Variants in UNC80 observed in about 807,000 individuals in gnomAD.
The protein encoded by UNC80 is protein unc-80 homolog.
In UNC80, 164 loss-of-function variants were observed where a neutral mutation model predicts 384.6. That is an observed-to-expected ratio of 0.43 (90% confidence interval 0.38 to 0.49). UNC80 has a LOEUF of 0.49. UNC80 is among the 20% of genes least tolerant of loss of function. UNC80 has a pLI of 0.00. For missense variants in UNC80, 3,330 were observed against 4,143.0 expected (o/e 0.80, Z 5.39); for synonymous variants, 1,486 against 1,527.8 (o/e 0.97, Z 0.64).
Position 209,945,070 on chromosome 2 carries a change from C to T in UNC80, c.7070C>T (p.Pro2357Leu). 6.4e-7 allele frequency: 1 copy of T among 1,550,400 alleles called. No homozygotes were observed. Among genetic ancestry groups the T allele is most frequent in the East Asian group, 2.4e-5 (1 of 40,848 alleles). The stretch of plus-strand genomic sequence containing the variant: ...TATCAGGATGCTGCCAATAATGGGC[C>T]CAGCAAAGGTGTGTCAGCTCAGTGC... ...LEFPDAANNGPSKGVSAQCLF... is the reference protein window; with the variant it reads ...LEFPDAANNGLSKGVSAQCLF... The change falls in exon 46 of 65, where the codon CCC becomes CTC. Residue 2357 changes from proline (P) to leucine (L), a missense_variant. Pro to Leu is a moderately conservative substitution (Grantham distance 98). Coordinates refer to ENST00000673920, the MANE Select transcript of UNC80 (RefSeq NM_001371986.1).
At chr2:209,954,024 C>A in intron 47 of UNC80, 76 bp from the exon 48 acceptor site, 1 of 1,442,442 alleles carries the variant, frequency 6.9e-7, no homozygotes, top group Non-Finnish European at 9.2e-7. Context: ...TTTCATTGTT[C>A]TATGCTCTTA....
intron 61 of UNC80, among the ~76,000 whole-genome samples, chr2:209,990,244 A>G (rs938404205): frequency 6.6e-6 from 1 of 152,202 alleles, no homozygotes; most frequent in Non-Finnish European, 1.5e-5. Context: ...ATTCCTGAAT[A>G]AAAATGAGAC....
chr2:209,960,577 G>A (rs562361375), intron 51 of UNC80, among the ~76,000 whole-genome samples: 9 of 152,244 alleles, frequency 5.9e-5, no homozygotes, highest in African/African-American at 1.9e-4. Flanking sequence ...TCCAAATAAC[G>A]TTGCAATTTC....
chr2:209,817,228 C>T, intron 10 of UNC80, 103 bp downstream of exon 10: 1 of 1,163,228 alleles, frequency 8.6e-7, no homozygotes, highest in Non-Finnish European at 1.2e-6. Flanking sequence ...ACAATTCAGC[C>T]AAGAAATTTG....
chr2:209,809,072 G>T, intron 7 of UNC80: 1 of 477,282 alleles, frequency 2.1e-6, no homozygotes, highest in Non-Finnish European at 3.9e-6. Context: ...GATGAGGACA[G>T]CGGGAAAGGC....
At chr2:209,950,744 G>A (rs186971823) in intron 47 of UNC80, among the ~76,000 whole-genome samples, 201 of 152,146 alleles carry the variant, frequency 1.3e-3, no homozygotes, top group African/African-American at 4.6e-3. Flanking sequence ...TTTTAGTAGA[G>A]ACAGAGTTTC....
intron 16 of UNC80, among the ~76,000 whole-genome samples, chr2:209,832,651 G>A (rs1051785440): frequency 3.9e-5 from 6 of 152,164 alleles, no homozygotes; most frequent in Non-Finnish European, 8.8e-5. Context: ...AATTTTCTTG[G>A]AGCTTGAGTG....
At chr2:209,787,102 T>G (rs971499340) in intron 5 of UNC80, among the ~76,000 whole-genome samples, 1 of 151,702 alleles carries the variant, frequency 6.6e-6, no homozygotes, top group African/African-American at 2.4e-5. Flanking sequence ...TGGACAATCT[T>G]TTTTATTAAC....
At chr2:209,994,659 GA>G (rs1209787341) in intron 64 of UNC80, among the ~76,000 whole-genome samples, 3 of 152,094 alleles carry the variant, frequency 2.0e-5, no homozygotes. Flanking sequence ...ATGCTTATTG[GA>G]GCATTTTGGA....
chr2:209,896,563 A>C, intron 28 of UNC80, 150 bp downstream of exon 28: 1 of 717,812 alleles, frequency 1.4e-6, no homozygotes, highest in Non-Finnish European at 2.4e-6. Context: ...TGAATATCTC[A>C]ACACTCTCTA....
rs111702771 is a variant in UNC80, at chr2:209,932,252, C to G, written c.5994+1198C>G. Among the ~76,000 whole-genome samples the G allele has an allele frequency of 2.9e-3, 438 of 152,278 alleles. 1 individual carries two copies. The highest frequency in any genetic ancestry group is 0.01 in the African/African-American group (420 of 41,544). On this transcript the variant is annotated intron_variant, in intron 38 of 64. Coordinates refer to ENST00000673920, the MANE Select transcript of UNC80 (RefSeq NM_001371986.1). The stretch of plus-strand genomic sequence containing the variant: ...GGCTCTAACATAGGAAGTCCACCAG[C>G]TACAGCATCCTGCTCAGTGACAACA...
chr2:209,909,874 C>T (rs567204460), intron 29 of UNC80, among the ~76,000 whole-genome samples: 1 of 152,118 alleles, frequency 6.6e-6, no homozygotes, highest in South Asian at 2.1e-4. Flanking sequence ...AACTGCCTCC[C>T]ATTGAACACA....
In UNC80 at chr2:209,959,677, TG is replaced by T. The variant is rs1392241145; in HGVS notation, c.7777del (p.Glu2593AsnfsTer5). 1 of 1,551,618 alleles carries T rather than the reference TG, an allele frequency of 6.4e-7. No homozygotes were observed. The highest frequency in any genetic ancestry group is 8.7e-7 in the Non-Finnish European group (1 of 1,146,978). On this transcript the variant is annotated frameshift_variant, in exon 51 of 65. Transcript: ENST00000673920. LOFTEE classifies it high-confidence loss of function. The part of the protein sequence containing the change: ...NLAGEPRVIA[L>X]ELLDVKSHMR... ...GCTGGGGAGCCTCGGGTCATTGCCTTGGAACTGCTGGATGTGAAGTCTCACA... is the reference window on the plus strand; with the variant it reads ...GCTGGGGAGCCTCGGGTCATTGCCTTGAACTGCTGGATGTGAAGTCTCACA...
intron 22 of UNC80, among the ~76,000 whole-genome samples, chr2:209,864,422 C>T (rs1197004594): frequency 6.6e-6 from 1 of 152,124 alleles, no homozygotes; most frequent in African/African-American, 2.4e-5. Context: ...CTGGGCTGCC[C>T]GGATTCCTCA....
intron 22 of UNC80, among the ~76,000 whole-genome samples, chr2:209,851,167 T>G (rs2082504453): frequency 6.6e-6 from 1 of 151,994 alleles, no homozygotes; most frequent in South Asian, 2.1e-4. Context: ...GAAATACCTA[T>G]TAAAATAGCC....
intron 25 of UNC80, among the ~76,000 whole-genome samples, chr2:209,885,722 C>T (rs1047015497): frequency 2.7e-5 from 4 of 149,094 alleles, no homozygotes; most frequent in African/African-American, 9.9e-5. Flanking sequence ...GCCAAAAGGA[C>T]AAGAAACAAA....
intron 22 of UNC80, among the ~76,000 whole-genome samples, chr2:209,870,590 TCATCTTG>T (rs1203596355): frequency 6.6e-6 from 1 of 152,204 alleles, no homozygotes; most frequent in Non-Finnish European, 1.5e-5. Flanking sequence ...CTATTAGTGT[TCATCTTG>T]CATTCTGTCT....
intron 33 of UNC80, among the ~76,000 whole-genome samples, chr2:209,919,648 C>T (rs951815373): frequency 2.6e-5 from 4 of 152,020 alleles, no homozygotes; most frequent in East Asian, 1.9e-4. Flanking sequence ...AGGCATTTGT[C>T]GCTTTCTTTG....
At position 209,888,100 on chromosome 2, in the gene UNC80, G is replaced by A. The variant is rs144627704; in HGVS notation, c.4116G>A (p.Leu1372=). 314 of 1,551,656 alleles carry A rather than the reference G, an allele frequency of 2.0e-4. 2 individuals carry two copies. In the East Asian group the frequency reaches 7.3e-3, roughly 36 times the overall value. The change falls in exon 26 of 65, where the codon TTG becomes TTA. Residue 1372 remains leucine (L), a synonymous_variant. Coordinates refer to ENST00000673920, the MANE Select transcript of UNC80 (RefSeq NM_001371986.1). ...GCTCCTCACTGGCATTTTAGGACTT[G>A]GAGAGCTGCAGACTTCGTTTGGATC... ...PRPRTEPLVD[L]ESCRLRLDPE...
Sources: allele counts gnomAD v4.1 joint callset (sites outside exome capture counted in the v4.1 genomes callset), GRCh38; gene constraint gnomAD v4.1.1; transcripts MANE v1.5; gene names NCBI Gene and HGNC (gene_info 2026-07-23, HGNC 2026-07-21).